Variants in RAB11FIP4 observed in about 807,000 individuals in gnomAD.
RAB11FIP4 encodes rab11 family-interacting protein 4.
In RAB11FIP4, 23 loss-of-function variants were observed where a neutral mutation model predicts 74.3. That is an observed-to-expected ratio of 0.31 (90% CI 0.22 to 0.44). The LOEUF (loss-of-function observed/expected upper bound fraction) is 0.44, where lower values mean the gene tolerates loss of function less well. Ranked by LOEUF, RAB11FIP4 falls within the 20% of genes least tolerant of loss-of-function variation. The pLI is 1.00. For synonymous variants in RAB11FIP4, 360 were observed against 359.9 expected (o/e 1.00, Z 0.00); for missense variants, 630 against 863.9 (o/e 0.73, Z 3.39).
Position 31,499,251 on chromosome 17 carries a change from G to A in RAB11FIP4, c.337-18400G>A, listed in dbSNP as rs1481340632. Among the ~76,000 whole-genome samples, 4 of 152,182 alleles carry A rather than the reference G, an allele frequency of 2.6e-5. No individual in the cohort carries two copies. The East Asian group carries it at 7.7e-4, about 29-fold the overall frequency. On this transcript the variant is annotated intron_variant, in intron 3 of 14. Transcript: ENST00000621161. The stretch of plus-strand genomic sequence containing the variant: ...TGGGTTTGCATGGCCCCAACTTTTT[G>A]TGTGACTCCAAAGGGGAGTAAAGAG...
At chr17:31,418,107 G>C (rs2071165174) in intron 1 of RAB11FIP4, among the ~76,000 whole-genome samples, 1 of 152,090 alleles carries the variant, frequency 6.6e-6, no homozygotes, top group Non-Finnish European at 1.5e-5. Context: ...ATAAAAATAG[G>C]CTAGGCGTAG....
At chr17:31,412,741 A>G (rs1247499388) in intron 1 of RAB11FIP4, among the ~76,000 whole-genome samples, 1 of 152,214 alleles carries the variant, frequency 6.6e-6, no homozygotes, top group Non-Finnish European at 1.5e-5. Flanking sequence ...GGGAGCAGGC[A>G]GACACCAGGC....
At chr17:31,432,765 G>A (rs527318677) in intron 2 of RAB11FIP4, among the ~76,000 whole-genome samples, 20 of 152,168 alleles carry the variant, frequency 1.3e-4, no homozygotes, top group Admixed American at 6.5e-4. Flanking sequence ...AAAATTCAAA[G>A]GCCAGTTGTG....
intron 3 of RAB11FIP4, among the ~76,000 whole-genome samples, chr17:31,462,926 G>A (rs988674612): frequency 2.6e-5 from 4 of 152,114 alleles, no homozygotes; most frequent in African/African-American, 4.8e-5. Context: ...GTGAGCCACC[G>A]CGCCCAGCCT....
At chr17:31,509,974 C>G (rs1419500984) in intron 3 of RAB11FIP4, among the ~76,000 whole-genome samples, 2 of 152,202 alleles carry the variant, frequency 1.3e-5, no homozygotes, top group South Asian at 4.1e-4. Flanking sequence ...CTGATAAGTA[C>G]CCAGCCTTGC....
intron 3 of RAB11FIP4, among the ~76,000 whole-genome samples, chr17:31,509,635 G>C (rs1403183805): frequency 6.6e-6 from 1 of 152,178 alleles, no homozygotes; most frequent in African/African-American, 2.4e-5. Context: ...AGCCACTCTG[G>C]GGATGGAACG....
chr17:31,416,101 C>T (rs535511886), intron 1 of RAB11FIP4, among the ~76,000 whole-genome samples: 2 of 152,224 alleles, frequency 1.3e-5, no homozygotes, highest in African/African-American at 2.4e-5. Context: ...CCCGCTCTCT[C>T]GGCATGCGAC....
chr17:31,476,526 G>C (rs529718128), intron 3 of RAB11FIP4, among the ~76,000 whole-genome samples: 146 of 152,276 alleles, frequency 9.6e-4, no homozygotes, highest in African/African-American at 3.3e-3. Context: ...AAGAAACCAA[G>C]GCTAAGAGAC....
chr17:31,455,151 A>G (rs2071567212), intron 3 of RAB11FIP4, among the ~76,000 whole-genome samples: 1 of 152,222 alleles, frequency 6.6e-6, no homozygotes, highest in Non-Finnish European at 1.5e-5. Context: ...TACATGCATG[A>G]AAAGCCAAAG....
intron 3 of RAB11FIP4, among the ~76,000 whole-genome samples, chr17:31,474,663 C>T (rs1160366939): frequency 5.8e-5 from 5 of 86,592 alleles, no homozygotes; most frequent in Admixed American, 1.2e-4. Context: ...AGCTAGACTC[C>T]ATCTCAAAAA....
At chr17:31,502,804 T>C (rs1367640740) in intron 3 of RAB11FIP4, among the ~76,000 whole-genome samples, 2 of 152,124 alleles carry the variant, frequency 1.3e-5, no homozygotes, top group African/African-American at 4.8e-5. Flanking sequence ...AAGTGTGTTT[T>C]ATCACAATTC....
intron 1 of RAB11FIP4, among the ~76,000 whole-genome samples, chr17:31,398,880 G>T (rs1301017002): frequency 6.6e-6 from 1 of 152,196 alleles, no homozygotes; most frequent in Non-Finnish European, 1.5e-5. Flanking sequence ...GGGGGCGATG[G>T]CTACAAAGCC....
chr17:31,413,996 A>T (rs1349590598), intron 1 of RAB11FIP4, among the ~76,000 whole-genome samples: 2 of 152,218 alleles, frequency 1.3e-5, no homozygotes, highest in African/African-American at 4.8e-5. Flanking sequence ...GCGTCCAGGC[A>T]TGCTCTGCCT....
rs2072981303 is a variant in RAB11FIP4, at chr17:31,537,266, G to T, written c.*5534G>T. 1 of 398,992 alleles carries T rather than the reference G, an allele frequency of 2.5e-6. No homozygotes were observed. Among genetic ancestry groups the T allele is most frequent in the East Asian group, 3.6e-5 (1 of 28,072 alleles). The allele number at this position is 398,992 out of a possible 1,614,324, so 24.7% of individuals were successfully genotyped here. On this transcript the variant is annotated 3_prime_UTR_variant, in exon 15 of 15. Transcript: ENST00000621161. ...TACTTTTTCAACGTGCCTCCCCCAG[G>T]TGAGGCCAGCTCTCCCGGGCACATT...
At chr17:31,447,635 G>A (rs2071479890) in intron 3 of RAB11FIP4, among the ~76,000 whole-genome samples, 1 of 152,050 alleles carries the variant, frequency 6.6e-6, no homozygotes, top group South Asian at 2.1e-4. Flanking sequence ...CGATTCTCCT[G>A]TGTCAGCCTC....
intron 3 of RAB11FIP4, among the ~76,000 whole-genome samples, chr17:31,499,152 A>G (rs979687557): frequency 1.3e-5 from 2 of 152,074 alleles, no homozygotes; most frequent in African/African-American, 4.8e-5. Context: ...TGGGAACTGG[A>G]GCTTCCGGTA....
At position 31,536,678 on chromosome 17, in the gene RAB11FIP4, C is replaced by G; in HGVS notation, c.*4946C>G. 1 of 272,022 alleles carries G rather than the reference C, an allele frequency of 3.7e-6. No homozygotes were observed. Among genetic ancestry groups the G allele is most frequent in the Non-Finnish European group, 6.8e-6 (1 of 146,112 alleles). 16.9% of individuals were successfully genotyped at this position (272,022 alleles called of 1,614,324 possible). A position where few individuals can be genotyped will look rare whatever the true frequency, so the allele number is the denominator to read the frequency against. ...TTGAGCGCTGATCCTAGGGACCTGC[C>G]AGGTCCTCACTTCCTGCCCTGGGTG... On this transcript the variant is annotated 3_prime_UTR_variant, in exon 15 of 15. Transcript: ENST00000621161.
chr17:31,490,023 G>GC (rs1489017647), intron 3 of RAB11FIP4, among the ~76,000 whole-genome samples: 2 of 152,086 alleles, frequency 1.3e-5, no homozygotes, highest in Admixed American at 6.6e-5. Flanking sequence ...GGACTTTTAG[G>GC]CAAGTGGGGG....
rs1015109016 is a variant in RAB11FIP4 at position 31,536,397 on chromosome 17, A to G, written c.*4665A>G. The G allele has an allele frequency of 2.6e-5, 4 of 152,230 alleles. No individual in the cohort carries two copies. Among genetic ancestry groups the G allele is most frequent in the African/African-American group, 9.6e-5 (4 of 41,466 alleles). The allele number at this position is 152,230 out of a possible 1,614,324, so 9.4% of individuals were successfully genotyped here. ...ACCAGGAAAGTTTTGCGTGGTCACCATGCCAAGAAAATGACTTTGGTTGCC... is the reference window on the plus strand; with the variant it reads ...ACCAGGAAAGTTTTGCGTGGTCACCGTGCCAAGAAAATGACTTTGGTTGCC... On this transcript the variant is annotated 3_prime_UTR_variant, in exon 15 of 15. Coordinates refer to ENST00000621161, the MANE Select transcript of RAB11FIP4 (RefSeq NM_032932.6).
Sources: gnomAD v4.1 joint callset for allele counts (sites outside exome capture counted in the v4.1 genomes callset) on GRCh38, gnomAD v4.1.1 for gene constraint, MANE v1.5 for transcripts, NCBI Gene and HGNC (gene_info 2026-07-23, HGNC 2026-07-21) for gene names.